The following LBP variants were observed in gnomAD, a reference collection of about 807,000 sequenced individuals.
The protein encoded by LBP is lipopolysaccharide binding protein, also known as lipopolysaccharide-binding protein.
In LBP, 53 loss-of-function variants were observed where a neutral mutation model predicts 56.6. The ratio of observed to expected loss-of-function variants is 0.94; its 90% CI spans 0.75 to 1.18. The LOEUF (loss-of-function observed/expected upper bound fraction) is 1.18, where lower values mean the gene tolerates loss of function less well. Among genes scored for constraint, LBP ranks in the 50% most tolerant of loss-of-function variants. The pLI, the probability that LBP is intolerant of heterozygous loss-of-function variation, is 0.00. For synonymous variants in LBP, 227 were observed against 247.5 expected, an observed-to-expected ratio of 0.92 and a Z score of 0.78; for missense variants, 601 against 598.3, an observed-to-expected ratio of 1.00 and a Z score of -0.05.
intron 12 of LBP, 135 bp from the exon 13 acceptor site, chr20:38,372,937 A>C: frequency 1.4e-6 from 1 of 724,712 alleles, no homozygotes; most frequent in Non-Finnish European, 2.3e-6. Flanking sequence ...TCATCTCAAA[A>C]GAGTTTTATC....
chr20:38,376,298 A>G (rs978447820), intron 14 of LBP, among the ~76,000 whole-genome samples: 2 of 152,204 alleles, frequency 1.3e-5, no homozygotes, highest in Admixed American at 6.5e-5. Context: ...AAACGTAAGA[A>G]GAGCAGGAGA....
chr20:38,364,622 C>T lies in LBP; in HGVS notation c.791C>T (p.Ala264Val). ...CACCGTTCTCCAGTTACCCTCCTTG[C>T]TGCAGTCATGAGCCTTCCTGAGGAA... ...RNHRSPVTLL[A>V]AVMSLPEEHN... is the part of the protein sequence containing the mutation. The change falls in exon 8 of 15, where the codon GCT becomes GTT. Residue 264 changes from alanine to valine, a missense_variant. By Grantham distance (64) the Ala-to-Val change is moderately conservative. Transcript: ENST00000217407. 6.2e-7 allele frequency: 1 copy of T among 1,614,144 alleles called. No homozygotes were observed. Among genetic ancestry groups the T allele is most frequent in the Non-Finnish European group, 8.5e-7 (1 of 1,180,024 alleles).
intron 5 of LBP, 86 bp downstream of exon 5, chr20:38,355,495 C>A: frequency 8.2e-7 from 1 of 1,213,674 alleles, no homozygotes; most frequent in Non-Finnish European, 1.2e-6. Flanking sequence ...TGGACCAGGC[C>A]ATGGGGGCTG....
rs2076909847 is a variant in LBP, at chr20:38,374,094, G to A, written c.1401+81G>A. On this transcript the variant is annotated intron_variant, in intron 14 of 14. Coordinates refer to ENST00000217407, the MANE Select transcript of LBP (RefSeq NM_004139.5). ...CTAGCTTTGGGGCCATGATTCATGG[G>A]TGACACCCAGCCCAGCCCTGCAGCT... is the stretch of plus-strand genomic sequence containing the variant. 2.1e-6 allele frequency: 3 copies of A among 1,403,852 alleles called. No homozygotes were observed. In the Admixed American group the frequency reaches 5.1e-5, roughly 24 times the overall value. 87.0% of individuals were successfully genotyped at this position (1,403,852 alleles called of 1,614,324 possible).
chr20:38,353,227 A>AGTACATTCACAATTTTGTGCCAT (rs1174677582), intron 3 of LBP, among the ~76,000 whole-genome samples: 2 of 152,208 alleles, frequency 1.3e-5, no homozygotes, highest in African/African-American at 4.8e-5. Flanking sequence ...AGTGGCATGT[A>AGTACATTCACAATTTTGTGCCAT]GTACATTCAC....
At chr20:38,374,924 C>T (rs1039550850) in intron 14 of LBP, among the ~76,000 whole-genome samples, 4 of 149,484 alleles carry the variant, frequency 2.7e-5, no homozygotes, top group Non-Finnish European at 5.9e-5. Flanking sequence ...GCTGGAACTA[C>T]AGGCTCCCGC....
chr20:38,375,390 G>T (rs2083952632), intron 14 of LBP, among the ~76,000 whole-genome samples: 2 of 151,774 alleles, frequency 1.3e-5, no homozygotes, highest in African/African-American at 4.8e-5. Flanking sequence ...AGACCAGCCT[G>T]GCCAACATGG....
chr20:38,371,424 G>A (rs1041770172), intron 12 of LBP, 102 bp downstream of exon 12: 5 of 923,090 alleles, frequency 5.4e-6, no homozygotes, highest in Non-Finnish European at 8.4e-6. Context: ...AAAAGGAGAA[G>A]AGTTGATTTT....
rs1401116111 is a variant in LBP, at chr20:38,370,758, C to T, written c.1170C>T (p.Thr390=). The T allele has an allele frequency of 1.2e-6, 2 of 1,614,150 alleles. No homozygotes were observed. Among genetic ancestry groups the T allele is most frequent in the Non-Finnish European group, 1.7e-6 (2 of 1,180,014 alleles). ...RLSVATNVSA[T]LTFNTSKITG... ...TCCAGGCCACTAATGTGTCCGCCAC[C>T]TTGACCTTCAATACCAGCAAGATCA... Residue 390 remains threonine (T), a synonymous_variant, in exon 11 of 15, where the codon ACC becomes ACT. Coordinates refer to ENST00000217407, the MANE Select transcript of LBP (RefSeq NM_004139.5).
rs191856285 is a variant in LBP at position 38,354,346 on chromosome 20, T to G, written c.431T>G (p.Leu144Trp). The G allele has an allele frequency of 1.7e-5, 28 of 1,613,674 alleles. No individual in the cohort carries two copies. The highest frequency in any genetic ancestry group is 2.3e-5 in the Non-Finnish European group (27 of 1,179,974). ...KGISISVNLL[L>W]GSESSGRPTV... is the part of the protein sequence containing the mutation. ...ATCAGCATTTCGGTCAACCTCCTGT[T>G]GGGCAGCGAGTCCTCCGGGAGGCCC... Residue 144 changes from leucine to tryptophan, a missense_variant, in exon 4 of 15, where the codon TTG (leucine) becomes TGG (tryptophan). Transcript: ENST00000217407.
chr20:38,354,325 G>A lies in LBP; in HGVS notation c.410G>A (p.Ser137Asn), dbSNP rs1405307365. The change falls in exon 4 of 15, where the codon AGC (serine) becomes AAC (asparagine). Residue 137 changes from serine to asparagine, a missense_variant. Coordinates refer to ENST00000217407, the MANE Select transcript of LBP (RefSeq NM_004139.5). ...TTTGATGTCAGTGTCAAGGGCATCA[G>A]CATTTCGGTCAACCTCCTGTTGGGC... is the stretch of plus-strand genomic sequence containing the variant. ...GSFDVSVKGISISVNLLLGSE... is the reference protein window; with the variant it reads ...GSFDVSVKGINISVNLLLGSE... The A allele has an allele frequency of 1.9e-6, 3 of 1,613,858 alleles. No homozygotes were observed. Among genetic ancestry groups the A allele is most frequent in the South Asian group, 2.2e-5 (2 of 91,064 alleles).
chr20:38,366,659 A>T (rs149133347), intron 8 of LBP, 110 bp from the exon 9 acceptor site: 2 of 1,007,270 alleles, frequency 2.0e-6, no homozygotes, highest in Non-Finnish European at 3.1e-6. Flanking sequence ...AGGGTAACCC[A>T]GGCTGTGGAG....
chr20:38,373,936 G>C lies in LBP; in HGVS notation c.1325-1G>C. 2 of 1,613,952 alleles carry C rather than the reference G, an allele frequency of 1.2e-6. No individual in the cohort carries two copies. The highest frequency in any genetic ancestry group is 1.7e-6 in the Non-Finnish European group (2 of 1,179,828). On this transcript the variant is annotated splice_acceptor_variant, in intron 13 of 14. Coordinates refer to ENST00000217407, the MANE Select transcript of LBP (RefSeq NM_004139.5). LOFTEE classifies it high-confidence loss of function. ...TTTCAATGTTGTGCTTCAACCTCTAGATAAGTTGGCCGAAGGCTTCCCCCT... is the reference window on the plus strand; with the variant it reads ...TTTCAATGTTGTGCTTCAACCTCTACATAAGTTGGCCGAAGGCTTCCCCCT...
intron 2 of LBP, 88 bp from the exon 3 acceptor site, chr20:38,350,723 C>G: frequency 6.9e-7 from 1 of 1,456,502 alleles, no homozygotes; most frequent in Non-Finnish European, 9.3e-7. Flanking sequence ...TGGTCTAGTC[C>G]CCACTGTGGA....
intron 2 of LBP, among the ~76,000 whole-genome samples, chr20:38,349,882 G>A (rs541836032): frequency 1.3e-5 from 2 of 152,284 alleles, no homozygotes; most frequent in East Asian, 1.9e-4. Context: ...CCTACTGGCT[G>A]TGTGATCTGA....
intron 12 of LBP, among the ~76,000 whole-genome samples, chr20:38,372,418 T>C (rs546640556): frequency 6.6e-6 from 1 of 152,344 alleles, no homozygotes; most frequent in East Asian, 1.9e-4. Context: ...ATTGTATCTG[T>C]GCGTGTTTAC....
At position 38,364,621 on chromosome 20, in the gene LBP, G is replaced by T. The variant is rs189472545; in HGVS notation, c.790G>T (p.Ala264Ser). ...CCACCGTTCTCCAGTTACCCTCCTT[G>T]CTGCAGTCATGAGCCTTCCTGAGGA... Reference protein sequence around the residue: ...RNHRSPVTLLAAVMSLPEEHN... With the variant: ...RNHRSPVTLLSAVMSLPEEHN... The change falls in exon 8 of 15, where the codon GCT (alanine) becomes TCT (serine). Residue 264 changes from alanine to serine, a missense_variant. Physicochemically the swap from Ala to Ser is moderately conservative, Grantham distance 99. Transcript: ENST00000217407. 6.2e-7 allele frequency: 1 copy of T among 1,614,076 alleles called. No individual in the cohort carries two copies. Among genetic ancestry groups the T allele is most frequent in the Non-Finnish European group, 8.5e-7 (1 of 1,180,006 alleles).
chr20:38,374,022 G>A lies in LBP; in HGVS notation c.1401+9G>A. On this transcript the variant is annotated intron_variant, in intron 14 of 14. Coordinates refer to ENST00000217407, the MANE Select transcript of LBP (RefSeq NM_004139.5). ...GGCTGCAGATCCATAAGGTCGGTGGGTTCAGGGGGGCTCTGAGGATGTGTG... is the reference window on the plus strand; with the variant it reads ...GGCTGCAGATCCATAAGGTCGGTGGATTCAGGGGGGCTCTGAGGATGTGTG... The A allele has an allele frequency of 1.9e-6, 3 of 1,613,682 alleles. No individual in the cohort carries two copies. Among genetic ancestry groups the A allele is most frequent in the Non-Finnish European group, 2.5e-6 (3 of 1,179,646 alleles).
At chr20:38,363,314 T>A (rs549334262) in intron 6 of LBP, among the ~76,000 whole-genome samples, 1 of 152,342 alleles carries the variant, frequency 6.6e-6, no homozygotes, top group South Asian at 2.1e-4. Context: ...TTCCATCACA[T>A]GGATGTGTCT....
Sources: allele counts gnomAD v4.1 joint callset (sites outside exome capture counted in the v4.1 genomes callset), GRCh38; gene constraint gnomAD v4.1.1; transcripts MANE v1.5; gene names NCBI Gene and HGNC (gene_info 2026-07-23, HGNC 2026-07-21).